Variants in NIPBL observed in about 807,000 individuals in gnomAD.
NIPBL encodes NIPBL cohesin loading factor, also known as nipped-B-like protein.
A neutral mutation model predicts 321.8 loss-of-function variants in NIPBL; 19 were observed. The observed-to-expected ratio is 0.06, with a 90% CI of 0.04 to 0.09. The LOEUF is 0.09. Ranked by LOEUF, NIPBL falls within the 10% of genes least tolerant of loss-of-function variation. The pLI, the probability that NIPBL is intolerant of heterozygous loss-of-function variation, is 1.00. For missense variants in NIPBL, 2,210 were observed against 3,327.0 expected (o/e 0.66, Z 8.26); for synonymous variants, 1,106 against 1,114.1 (o/e 0.99, Z 0.14).
At chr5:37,030,807 T>C (rs967695692) in intron 32 of NIPBL, among the ~76,000 whole-genome samples, 1 of 151,318 alleles carries the variant, frequency 6.6e-6, no homozygotes, top group African/African-American at 2.4e-5. Context: ...CAGGCTGGAG[T>C]GCAGTGGCAC....
At position 37,065,179 on chromosome 5, in the gene NIPBL, TGAA is replaced by T; in HGVS notation, c.*288_*290del. On this transcript the variant is annotated 3_prime_UTR_variant, in exon 47 of 47. Transcript: ENST00000282516. ...TTTCTGTTTAAAAAAAATAAACAAG[TGAA>T]TGTTGGAAATTAGTCTGTTAATGTT... The T allele has an allele frequency of 2.3e-6, 1 of 431,534 alleles. No individual in the cohort carries two copies. The highest frequency in any genetic ancestry group is 2.4e-5 in the South Asian group (1 of 41,960). The allele number at this position is 431,534 out of a possible 1,614,324, so 26.7% of individuals were successfully genotyped here.
intron 6 of NIPBL, among the ~76,000 whole-genome samples, chr5:36,970,577 G>A (rs1017712214): frequency 6.6e-6 from 1 of 151,802 alleles, no homozygotes; most frequent in Non-Finnish European, 1.5e-5. Flanking sequence ...ATAACACATA[G>A]GCAGAATAAA....
At chr5:36,898,979 A>G (rs1479029969) in intron 1 of NIPBL, among the ~76,000 whole-genome samples, 1 of 152,124 alleles carries the variant, frequency 6.6e-6, no homozygotes, top group Non-Finnish European at 1.5e-5. Context: ...GATTTAAAGT[A>G]GAATTTTAAA....
intron 34 of NIPBL, among the ~76,000 whole-genome samples, chr5:37,043,252 G>A (rs749216209): frequency 3.0e-4 from 46 of 151,992 alleles, no homozygotes; most frequent in Non-Finnish European, 1.2e-4. Flanking sequence ...AATTAAGGCC[G>A]GACGCAGTTT....
In NIPBL at chr5:36,973,351, A is replaced by T. The variant is rs901268679; in HGVS notation, c.868+1310A>T. Among the ~76,000 whole-genome samples the T allele has an allele frequency of 1.1e-3, 161 of 151,494 alleles. 1 individual carries two copies. Among genetic ancestry groups the T allele is most frequent in the African/African-American group, 3.7e-3 (151 of 41,338 alleles). ...TTTTTTTTTCAAAAATTTTTTAAAAATTTTATTTTATTTTACTTTAAGTTC... is the reference window on the plus strand; with the variant it reads ...TTTTTTTTTCAAAAATTTTTTAAAATTTTTATTTTATTTTACTTTAAGTTC... On this transcript the variant is annotated intron_variant, in intron 8 of 46. Transcript: ENST00000282516.
rs555998859 is a variant in NIPBL, at chr5:37,026,757, A to G, written c.5808+430A>G. 1.7e-3 allele frequency among the ~76,000 whole-genome samples: 257 copies of G among 152,264 alleles called. 1 individual carries two copies. The highest frequency in any genetic ancestry group is 5.8e-3 in the African/African-American group (241 of 41,572). On this transcript the variant is annotated intron_variant, in intron 31 of 46. Coordinates refer to ENST00000282516, the MANE Select transcript of NIPBL (RefSeq NM_133433.4). ...TTAATATAAGAAATTTTTGCCAGTCACAGCGCATATGCCTATAATCCCAGC... is the reference window on the plus strand; with the variant it reads ...TTAATATAAGAAATTTTTGCCAGTCGCAGCGCATATGCCTATAATCCCAGC...
chr5:36,890,419 C>T (rs1373746424), intron 1 of NIPBL, among the ~76,000 whole-genome samples: 3 of 152,146 alleles, frequency 2.0e-5, no homozygotes, highest in East Asian at 1.9e-4. Flanking sequence ...CATCTTAATT[C>T]ATTCAGTAGA....
At chr5:36,971,087 T>C in intron 7 of NIPBL, 51 bp downstream of exon 7, 1 of 1,464,890 alleles carries the variant, frequency 6.8e-7, no homozygotes, top group Non-Finnish European at 9.5e-7. Context: ...ATATTTGTCA[T>C]ATAACCTAGT....
chr5:37,000,859 A>T lies in NIPBL; in HGVS notation c.3545A>T (p.Lys1182Ile). Residue 1182 changes from lysine to isoleucine, a missense_variant, in exon 13 of 47, where the codon AAA becomes ATA. Lys to Ile is a moderately radical substitution (Grantham distance 102, BLOSUM62 -3). Around this residue, in one of 14 missense-constraint regions of NIPBL, gnomAD observed 381 missense variants for 642.3 expected, o/e 0.59. Transcript: ENST00000282516. ...AAAAAAGAAAAACAGAAGAAAAGGA[A>T]AGCATATGAACCAAAACTAACACCT... ...MKKKEKQKKR[K>I]AYEPKLTPEE... The T allele has an allele frequency of 1.2e-6, 2 of 1,612,426 alleles. No homozygotes were observed. Among genetic ancestry groups the T allele is most frequent in the Non-Finnish European group, 1.7e-6 (2 of 1,178,888 alleles).
At chr5:36,990,899 A>C (rs1209416178) in intron 10 of NIPBL, among the ~76,000 whole-genome samples, 1 of 152,148 alleles carries the variant, frequency 6.6e-6, no homozygotes, top group East Asian at 1.9e-4. Flanking sequence ...TATATGATTT[A>C]ACAGCTAAGG....
At chr5:37,012,630 G>A (rs1307091582) in intron 21 of NIPBL, among the ~76,000 whole-genome samples, 2 of 152,176 alleles carry the variant, frequency 1.3e-5, no homozygotes, top group African/African-American at 4.8e-5. Context: ...CGCAGTGTTT[G>A]TGTCCCTGGG....
At chr5:36,992,071 C>A (rs1320735652) in intron 10 of NIPBL, among the ~76,000 whole-genome samples, 2 of 152,014 alleles carry the variant, frequency 1.3e-5, no homozygotes, top group Non-Finnish European at 2.9e-5. Context: ...TAAATGTATT[C>A]TTTAGCCATA....
At position 36,951,206 on chromosome 5, in the gene NIPBL, C is replaced by T. The variant is rs184911619; in HGVS notation, c.-79-2412C>T. Among the ~76,000 whole-genome samples the T allele has an allele frequency of 2.0e-5, 3 of 152,094 alleles. 1 individual carries two copies. The South Asian group carries it at 6.2e-4, about 31-fold the overall frequency. On this transcript the variant is annotated intron_variant, in intron 1 of 46. Coordinates refer to ENST00000282516, the MANE Select transcript of NIPBL (RefSeq NM_133433.4). ...GGTTAGGTTTATTAATCTTCTAGTT[C>T]ATACATGGGTAACTAAATACATAGT... is the stretch of plus-strand genomic sequence containing the variant.
chr5:37,038,603 C>T lies in NIPBL; in HGVS notation c.5973C>T (p.Asp1991=). Residue 1991 remains aspartate (D), a splice_region_variant and synonymous_variant, in exon 34 of 47, where the codon GAC becomes GAT. Transcript: ENST00000282516. ...TTATTTCTCTGTTTGTTTTTCCAGA[C>T]TCTGACAATAAAGGTGTGAATTCTG... ...HILKYEESLA[D]SDNKGVNSGR... 6.2e-7 allele frequency: 1 copy of T among 1,613,362 alleles called. No individual in the cohort carries two copies. Among genetic ancestry groups the T allele is most frequent in the Non-Finnish European group, 8.5e-7 (1 of 1,179,636 alleles).
At chr5:37,030,257 T>C (rs1275895782) in intron 32 of NIPBL, among the ~76,000 whole-genome samples, 1 of 152,212 alleles carries the variant, frequency 6.6e-6, no homozygotes, top group Non-Finnish European at 1.5e-5. Flanking sequence ...CTATTCATGC[T>C]CTCTATTCTA....
chr5:36,895,093 C>G (rs1746633627), intron 1 of NIPBL, among the ~76,000 whole-genome samples: 2 of 152,292 alleles, frequency 1.3e-5, no homozygotes, highest in East Asian at 3.9e-4. Flanking sequence ...TCATTACTTT[C>G]TAGTTCCAGA....
Position 36,952,391 on chromosome 5 carries a change from A to G in NIPBL, c.-79-1227A>G, listed in dbSNP as rs369189032. Among the ~76,000 whole-genome samples the G allele has an allele frequency of 3.9e-4, 59 of 152,222 alleles. 2 individuals are homozygous for G. The South Asian group carries it at 7.3e-3, about 19-fold the overall frequency. On this transcript the variant is annotated intron_variant, in intron 1 of 46. Coordinates refer to ENST00000282516, the MANE Select transcript of NIPBL (RefSeq NM_133433.4). ...CAATTCCGTTTTTAATCTTAGCTCT[A>G]TGGTTTAGTTGATGTAGACTTCCAT...
intron 20 of NIPBL, 78 bp from the exon 21 acceptor site, chr5:37,010,009 G>A (rs917380071): frequency 1.4e-5 from 16 of 1,127,926 alleles, no homozygotes; most frequent in African/African-American, 3.1e-5. Context: ...ACACAGTATC[G>A]TGAAACTTTC....
rs765985686 is a variant in NIPBL, at chr5:36,976,015, A to G, written c.1108A>G (p.Met370Val). 6.2e-7 allele frequency: 1 copy of G among 1,614,128 alleles called. No homozygotes were observed. The highest frequency in any genetic ancestry group is 8.5e-7 in the Non-Finnish European group (1 of 1,179,972). The change falls in exon 9 of 47, where the codon ATG becomes GTG. Residue 370 changes from methionine to valine, a missense_variant. By Grantham distance (21) the Met-to-Val change is conservative (BLOSUM62 1). Transcript: ENST00000282516. Reference sequence around the variant, plus strand: ...ACTTTCTCGTGTAAGGTCTTCAGACATGGACCAGCAAGAGGATATGATTTC... The same window carrying G: ...ACTTTCTCGTGTAAGGTCTTCAGACGTGGACCAGCAAGAGGATATGATTTC... ...LRLSRVRSSD[M>V]DQQEDMISGV...
Sources: allele counts gnomAD v4.1 joint callset (sites outside exome capture counted in the v4.1 genomes callset), GRCh38; gene constraint gnomAD v4.1.1; regional missense constraint gnomAD v4.1.1; transcripts MANE v1.5; gene names NCBI Gene and HGNC (gene_info 2026-07-23, HGNC 2026-07-21).